TANGO6: variants seen among roughly 807,000 people sequenced by gnomAD.
TANGO6 encodes transport and Golgi organization protein 6 homolog.
In TANGO6, 90 loss-of-function variants were observed where a neutral mutation model predicts 114.2. The observed-to-expected ratio is 0.79, with a 90% CI of 0.66 to 0.94. The LOEUF is 0.94. TANGO6 is among the 40% of genes least tolerant of loss of function. TANGO6 has a pLI of 0.00. For missense variants in TANGO6, 1,274 were observed against 1,315.3 expected (o/e 0.97, Z 0.49); for synonymous variants, 477 against 509.8 (o/e 0.94, Z 0.87).
intron 15 of TANGO6, among the ~76,000 whole-genome samples, chr16:68,977,488 A>G (rs1291376621): frequency 1.3e-5 from 2 of 150,800 alleles, no homozygotes; most frequent in Non-Finnish European, 3.0e-5. Context: ...GACCGAGACG[A>G]CGATCAAGAG....
intron 15 of TANGO6, among the ~76,000 whole-genome samples, chr16:69,003,049 AAAAG>A (rs746361102): frequency 2.3e-3 from 348 of 152,228 alleles, no homozygotes; most frequent in Non-Finnish European, 4.1e-3. Context: ...CTCAAAAAAA[AAAAG>A]AAAGTTTTTA....
At chr16:68,932,216 G>A (rs777387544) in intron 14 of TANGO6, among the ~76,000 whole-genome samples, 3 of 151,828 alleles carry the variant, frequency 2.0e-5, no homozygotes, top group Non-Finnish European at 2.9e-5. Flanking sequence ...TCAGCCTCCC[G>A]AGTAGCTGGG....
At chr16:68,942,457 G>A (rs1963363958) in intron 14 of TANGO6, among the ~76,000 whole-genome samples, 1 of 151,998 alleles carries the variant, frequency 6.6e-6, no homozygotes, top group South Asian at 2.1e-4. Flanking sequence ...TACCGAAAAG[G>A]TAAAGAAAAA....
intron 7 of TANGO6, among the ~76,000 whole-genome samples, chr16:68,895,707 A>C (rs1411081758): frequency 6.6e-6 from 1 of 152,248 alleles, no homozygotes; most frequent in Non-Finnish European, 1.5e-5. Context: ...TGGAGGAGGC[A>C]GAACTTGTGC....
chr16:69,001,623 C>T (rs1964044114), intron 15 of TANGO6, among the ~76,000 whole-genome samples: 2 of 152,162 alleles, frequency 1.3e-5, no homozygotes, highest in South Asian at 4.1e-4. Flanking sequence ...TAAGCAGGCA[C>T]AGTTAGAAAG....
chr16:68,893,422 A>G (rs1962656583), intron 7 of TANGO6, among the ~76,000 whole-genome samples: 1 of 152,118 alleles, frequency 6.6e-6, no homozygotes, highest in Non-Finnish European at 1.5e-5. Context: ...GCTTCTTAGG[A>G]ACATCTTTAT....
chr16:69,028,856 CAAA>C (rs397761274), intron 16 of TANGO6, among the ~76,000 whole-genome samples: 5 of 65,544 alleles, frequency 7.6e-5, no homozygotes, highest in Admixed American at 5.3e-4. Flanking sequence ...CCCAGTTTAA[CAAA>C]AAAAAAAAAA....
chr16:68,958,649 A>G (rs1963559553), intron 14 of TANGO6, among the ~76,000 whole-genome samples: 1 of 152,204 alleles, frequency 6.6e-6, no homozygotes, highest in African/African-American at 2.4e-5. Context: ...ACAGATGTCC[A>G]GGATGAGCAC....
chr16:68,862,656 G>A (rs1292490505), intron 2 of TANGO6, among the ~76,000 whole-genome samples: 1 of 152,210 alleles, frequency 6.6e-6, no homozygotes. Context: ...AAAGACAGAA[G>A]AGGAATGAGC....
chr16:68,974,498 C>T (rs933049880), intron 15 of TANGO6, among the ~76,000 whole-genome samples: 1 of 152,020 alleles, frequency 6.6e-6, no homozygotes, highest in Non-Finnish European at 1.5e-5. Context: ...CCTGTCTCTA[C>T]TAAAAATACA....
intron 16 of TANGO6, among the ~76,000 whole-genome samples, chr16:69,037,135 C>CAAAAA (rs1232986110): frequency 3.1e-4 from 14 of 45,242 alleles, no homozygotes; most frequent in Non-Finnish European, 4.1e-4. Context: ...GAGTCCATCT[C>CAAAAA]AAAAAAAAAA....
intron 14 of TANGO6, among the ~76,000 whole-genome samples, chr16:68,951,525 A>G (rs1482658444): frequency 6.6e-6 from 1 of 152,046 alleles, no homozygotes; most frequent in Non-Finnish European, 1.5e-5. Flanking sequence ...TTCAACTCCA[A>G]AGCCAAGGCC....
Position 68,926,694 on chromosome 16 carries a change from A to AT in TANGO6, c.2128-869dup, listed in dbSNP as rs573626806. On this transcript the variant is annotated intron_variant, in intron 12 of 17. Transcript: ENST00000261778. The stretch of plus-strand genomic sequence containing the variant: ...AGGCACATGCCACCATGCCCAGCTG[A>AT]TTTTTGTATTTTTAGTAGAGGTGGG... Among the ~76,000 whole-genome samples the AT allele has an allele frequency of 9.3e-3, 1,403 of 151,366 alleles. 9 individuals are homozygous for AT. Among genetic ancestry groups the AT allele is most frequent in the South Asian group, 0.019 (89 of 4,768 alleles).
At chr16:69,050,914 T>C (rs1959938441) in intron 17 of TANGO6, among the ~76,000 whole-genome samples, 1 of 152,096 alleles carries the variant, frequency 6.6e-6, no homozygotes, top group Admixed American at 6.6e-5. Context: ...CGTGAGCCAT[T>C]GCACTTAGCT....
At chr16:69,055,817 G>A (rs1424577026) in intron 17 of TANGO6, among the ~76,000 whole-genome samples, 3 of 152,326 alleles carry the variant, frequency 2.0e-5, no homozygotes, top group African/African-American at 7.2e-5. Flanking sequence ...CAGGTGGATT[G>A]CCTGAGGTCA....
intron 17 of TANGO6, among the ~76,000 whole-genome samples, chr16:69,072,776 T>G (rs1234734832): frequency 6.6e-6 from 1 of 152,202 alleles, no homozygotes; most frequent in Non-Finnish European, 1.5e-5. Flanking sequence ...GAGTGGGTTT[T>G]GCACAGGCAG....
intron 15 of TANGO6, among the ~76,000 whole-genome samples, chr16:68,975,641 T>C (rs1342205063): frequency 2.0e-5 from 3 of 152,084 alleles, no homozygotes; most frequent in Non-Finnish European, 4.4e-5. Flanking sequence ...TACTGCAGCC[T>C]GAACCTCCTG....
At chr16:69,078,177 G>C (rs898886021) in intron 17 of TANGO6, among the ~76,000 whole-genome samples, 3 of 152,194 alleles carry the variant, frequency 2.0e-5, no homozygotes, top group Non-Finnish European at 4.4e-5. Flanking sequence ...CTTTGTTCAG[G>C]CAAGAAAAGA....
chr16:69,047,431 G>A (rs572870434), intron 17 of TANGO6, among the ~76,000 whole-genome samples: 1 of 151,892 alleles, frequency 6.6e-6, no homozygotes, highest in Non-Finnish European at 1.5e-5. Flanking sequence ...GGAGGCAGAG[G>A]TTGCAGTGAG....
Sources: allele counts gnomAD v4.1 joint callset (sites outside exome capture counted in the v4.1 genomes callset), GRCh38; gene constraint gnomAD v4.1.1; transcripts MANE v1.5; gene names NCBI Gene and HGNC (gene_info 2026-07-23, HGNC 2026-07-21).